Variants in FMN1 observed in about 807,000 individuals in gnomAD.
FMN1 encodes formin-1.
A neutral mutation model predicts 132.4 loss-of-function variants in FMN1; 110 were observed. The observed-to-expected ratio is 0.83, with a 90% CI of 0.71 to 0.97. The LOEUF (loss-of-function observed/expected upper bound fraction) is 0.97. Ranked by LOEUF, FMN1 falls within the 50% of genes least tolerant of loss-of-function variation. FMN1 has a pLI of 0.00. For missense variants in FMN1, 1,792 were observed against 1,705.3 expected (o/e 1.05, Z -0.90); for synonymous variants, 722 against 651.7 (o/e 1.11, Z -1.64).
chr15:33,046,295 C>G (rs2036680802), intron 6 of FMN1, among the ~76,000 whole-genome samples: 1 of 152,102 alleles, frequency 6.6e-6, no homozygotes, highest in Middle Eastern at 3.2e-3. Flanking sequence ...ATAAAGATAA[C>G]TCACAGTGCA....
chr15:33,172,107 C>T (rs1365648739), intron 3 of FMN1, among the ~76,000 whole-genome samples: 1 of 151,742 alleles, frequency 6.6e-6, no homozygotes, highest in Non-Finnish European at 1.5e-5. Context: ...ACTCCGGAGG[C>T]TGAGGCAGGA....
intron 17 of FMN1, among the ~76,000 whole-genome samples, chr15:32,840,923 A>C (rs1051812739): frequency 6.6e-5 from 10 of 152,232 alleles, no homozygotes; most frequent in African/African-American, 2.4e-4. Flanking sequence ...CCAGTCTTTG[A>C]AAGATAGACA....
At chr15:33,016,036 A>G (rs1266353163) in intron 6 of FMN1, among the ~76,000 whole-genome samples, 1 of 152,232 alleles carries the variant, frequency 6.6e-6, no homozygotes, top group African/African-American at 2.4e-5. Context: ...TACCAAGCCT[A>G]CCAAGTGATT....
intron 4 of FMN1, among the ~76,000 whole-genome samples, chr15:33,110,136 G>C (rs1313706385): frequency 1.3e-5 from 2 of 151,958 alleles, no homozygotes; most frequent in South Asian, 2.1e-4. Context: ...GCTTCTCCTA[G>C]GAATCTACCA....
intron 7 of FMN1, among the ~76,000 whole-genome samples, chr15:32,991,040 A>C (rs1307766402): frequency 2.0e-5 from 3 of 152,194 alleles, no homozygotes; most frequent in Non-Finnish European, 4.4e-5. Context: ...AAAAGAGCAG[A>C]AGCAGCAGTA....
intron 6 of FMN1, among the ~76,000 whole-genome samples, chr15:33,054,043 T>C (rs1367319543): frequency 6.6e-6 from 1 of 152,100 alleles, no homozygotes; most frequent in East Asian, 1.9e-4. Flanking sequence ...TGCTAAAAAA[T>C]CCAACCCTCT....
chr15:32,819,707 A>G (rs925811989), intron 17 of FMN1, among the ~76,000 whole-genome samples: 5 of 152,098 alleles, frequency 3.3e-5, no homozygotes, highest in Non-Finnish European at 7.4e-5. Context: ...GAAGAAAAAT[A>G]TGGTCAAAAG....
chr15:32,831,343 G>A (rs565430414), intron 17 of FMN1, among the ~76,000 whole-genome samples: 16 of 152,082 alleles, frequency 1.1e-4, no homozygotes, highest in Admixed American at 7.9e-4. Flanking sequence ...TCAGCCTCCC[G>A]AGTAGCTGGG....
intron 6 of FMN1, among the ~76,000 whole-genome samples, chr15:33,042,910 A>G (rs2036505935): frequency 2.0e-5 from 3 of 152,156 alleles, no homozygotes; most frequent in South Asian, 2.1e-4. Flanking sequence ...CAGCTCCCCA[A>G]TCATTATAAC....
chr15:32,800,772 C>T lies in FMN1; in HGVS notation c.3981-1819G>A, dbSNP rs74680383. On this transcript the variant is annotated intron_variant, in intron 18 of 20. Transcript: ENST00000616417. Reference sequence around the variant, plus strand: ...GAAATGCTCTGTCTGCTTTATCTTTCTGTTGCTCATGCTCAATAACACAGG... The same window carrying T: ...GAAATGCTCTGTCTGCTTTATCTTTTTGTTGCTCATGCTCAATAACACAGG... Among the ~76,000 whole-genome samples, 1,284 of 152,298 alleles carry T rather than the reference C, an allele frequency of 8.4e-3. 18 individuals are homozygous for T. Among genetic ancestry groups the T allele is most frequent in the African/African-American group, 0.03 (1,234 of 41,558 alleles).
intron 3 of FMN1, among the ~76,000 whole-genome samples, chr15:33,175,209 T>C (rs563962631): frequency 6.6e-6 from 1 of 152,082 alleles, no homozygotes; most frequent in Non-Finnish European, 1.5e-5. Context: ...TTTTGTTTGG[T>C]TGGTTGGTTG....
chr15:33,069,991 CTCTTTT>C lies in FMN1; in HGVS notation c.2044-4923_2044-4918del, dbSNP rs1346736703. 1.0e-4 allele frequency among the ~76,000 whole-genome samples: 6 copies of C among 59,606 alleles called. No homozygotes were observed. In the South Asian group the frequency reaches 3.9e-3, roughly 38 times the overall value. The allele number at this position is 59,606 out of a possible 152,430, so 39.1% of individuals were successfully genotyped here. On this transcript the variant is annotated intron_variant, in intron 5 of 20. Transcript: ENST00000616417. ...ACAACAGATCATAAGATCAGTCTTT[CTCTTTT>C]TTTTTTTTTTTTTTTTTTTTTTTTT...
chr15:32,968,743 A>G lies in FMN1; in HGVS notation c.2958T>C (p.Tyr986=), dbSNP rs967739836. 1.9e-6 allele frequency: 3 copies of G among 1,613,386 alleles called. No individual in the cohort carries two copies. Among genetic ancestry groups the G allele is most frequent in the Non-Finnish European group, 2.5e-6 (3 of 1,179,682 alleles). ...TATCACTTATTTGTATCCTAGTCCA[A>G]TATAAAGGCTTCATGGGACAACTGG... ...IEPSCPMKPL[Y]WTRIQISDRS... The change falls in exon 8 of 21, where the codon TAT becomes TAC. Residue 986 remains tyrosine (Y), a synonymous_variant. Transcript: ENST00000616417.
intron 17 of FMN1, among the ~76,000 whole-genome samples, chr15:32,846,054 C>T (rs1376806757): frequency 6.6e-6 from 1 of 152,048 alleles, no homozygotes; most frequent in Non-Finnish European, 1.5e-5. Context: ...GGTCTTCTGA[C>T]TTCAAGCACA....
intron 6 of FMN1, among the ~76,000 whole-genome samples, chr15:33,048,621 G>A (rs1047832792): frequency 4.3e-5 from 1 of 23,222 alleles, no homozygotes; most frequent in African/African-American, 1.4e-4. Context: ...CTCGAGACTG[G>A]GCAATTTACC....
At chr15:33,180,898 G>C (rs1389059936) in intron 2 of FMN1, among the ~76,000 whole-genome samples, 1 of 151,970 alleles carries the variant, frequency 6.6e-6, no homozygotes, top group Non-Finnish European at 1.5e-5. Flanking sequence ...TACAGGCCAA[G>C]TGCTACCACG....
Position 33,194,361 on chromosome 15 carries a change from G to A in FMN1, c.-349+217C>T, listed in dbSNP as rs537615025. Among the ~76,000 whole-genome samples the A allele has an allele frequency of 5.3e-4, 80 of 151,192 alleles. No homozygotes were observed. The East Asian group carries it at 8.5e-3, about 16-fold the overall frequency. On this transcript the variant is annotated intron_variant, in intron 1 of 20. Transcript: ENST00000616417. The stretch of plus-strand genomic sequence containing the variant: ...GGAGTTCTGTAGTGAGGAGCGTTGG[G>A]ATGACCCGGAGGGCCCACCAACGTA...
chr15:32,777,365 AAGAT>A (rs2056451773), intron 19 of FMN1, among the ~76,000 whole-genome samples: 2 of 151,680 alleles, frequency 1.3e-5, no homozygotes, highest in South Asian at 2.1e-4. Context: ...AATGGGAAAA[AAGAT>A]AACCTACGGA....
chr15:32,853,541 G>A (rs1288401191), intron 17 of FMN1, among the ~76,000 whole-genome samples: 1 of 152,140 alleles, frequency 6.6e-6, no homozygotes, highest in Non-Finnish European at 1.5e-5. Context: ...TGTGGCAAAT[G>A]GAAAATCCTA....
Sources: allele counts gnomAD v4.1 joint callset (sites outside exome capture counted in the v4.1 genomes callset), GRCh38; gene constraint gnomAD v4.1.1; transcripts MANE v1.5; gene names NCBI Gene and HGNC (gene_info 2026-07-23, HGNC 2026-07-21).